Variants in RASSF8 observed in about 807,000 individuals in gnomAD.
RASSF8 encodes the protein ras association domain-containing protein 8.
RASSF8 carries 22 observed loss-of-function variants against 48.5 expected under a neutral mutation model. The ratio of observed to expected loss-of-function variants is 0.45; its 90% CI spans 0.32 to 0.65. RASSF8 has a LOEUF of 0.65. Ranked by LOEUF, RASSF8 falls within the 30% of genes least tolerant of loss-of-function variation. The pLI is 0.03. For missense variants in RASSF8, 418 were observed against 489.2 expected (o/e 0.85, Z 1.37); for synonymous variants, 127 against 171.5 (o/e 0.74, Z 2.03).
At chr12:26,044,934 A>G (rs78245687) in intron 2 of RASSF8, among the ~76,000 whole-genome samples, 5,634 of 152,250 alleles carry the variant, frequency 0.037, 129 homozygotes, top group East Asian at 0.061. Context: ...TATTTGTTTT[A>G]TTACAGTGAA....
chr12:25,962,323 C>G (rs572821120), intron 1 of RASSF8, among the ~76,000 whole-genome samples: 18 of 152,152 alleles, frequency 1.2e-4, no homozygotes, highest in Non-Finnish European at 2.4e-4. Context: ...GCTCAAATGT[C>G]CTTTCTCATA....
intron 1 of RASSF8, among the ~76,000 whole-genome samples, chr12:25,993,933 T>C (rs926578923): frequency 2.6e-5 from 4 of 152,194 alleles, no homozygotes; most frequent in African/African-American, 9.7e-5. Flanking sequence ...TAAAAAATAA[T>C]CAGGAAGCCA....
At chr12:26,009,704 G>T (rs1428459814) in intron 2 of RASSF8, among the ~76,000 whole-genome samples, 1 of 152,208 alleles carries the variant, frequency 6.6e-6, no homozygotes, top group African/African-American at 2.4e-5. Context: ...GGAAGAGAGT[G>T]AAGAAAGTAG....
intron 2 of RASSF8, among the ~76,000 whole-genome samples, chr12:26,014,237 T>G (rs540979786): frequency 3.3e-5 from 5 of 152,216 alleles, no homozygotes; most frequent in Non-Finnish European, 7.3e-5. Flanking sequence ...ATGTATGTGT[T>G]TCCTATGCCC....
At chr12:25,976,733 G>A (rs148881132) in intron 1 of RASSF8, among the ~76,000 whole-genome samples, 116 of 152,184 alleles carry the variant, frequency 7.6e-4, no homozygotes, top group African/African-American at 2.6e-3. Flanking sequence ...TTTGCTGGGC[G>A]TTTTGTCCAG....
chr12:26,017,972 C>A (rs1293579429), intron 2 of RASSF8, among the ~76,000 whole-genome samples: 2 of 152,268 alleles, frequency 1.3e-5, no homozygotes, highest in Non-Finnish European at 1.5e-5. Flanking sequence ...CTTTCCCTTT[C>A]CCATTGGCTA....
At chr12:26,078,700 T>G (rs1944091387) in intron 5 of RASSF8, among the ~76,000 whole-genome samples, 1 of 152,216 alleles carries the variant, frequency 6.6e-6, no homozygotes, top group Non-Finnish European at 1.5e-5. Context: ...ACAAACTTGG[T>G]TTAGTCTATT....
downstream of RASSF8, among the ~76,000 whole-genome samples, chr12:26,075,335 GAAT>G (rs1415976036): frequency 6.6e-6 from 1 of 152,170 alleles, no homozygotes; most frequent in East Asian, 1.9e-4. Context: ...CAAGGAAAAA[GAAT>G]AAAAACATGG....
intron 2 of RASSF8, among the ~76,000 whole-genome samples, chr12:26,035,480 T>TATATA (rs1943122304): frequency 8.5e-6 from 1 of 117,042 alleles, no homozygotes; most frequent in Non-Finnish European, 1.9e-5. Context: ...ATTATATAAT[T>TATATA]ATATAATTAT....
At chr12:26,007,885 T>C (rs765750123) in intron 2 of RASSF8, among the ~76,000 whole-genome samples, 3 of 152,236 alleles carry the variant, frequency 2.0e-5, no homozygotes, top group Admixed American at 2.0e-4. Context: ...TCTGTGTAAG[T>C]AGAAAAATTA....
chr12:26,017,044 T>C lies in RASSF8; in HGVS notation c.-109+21914T>C, dbSNP rs142736351. 7.0e-4 allele frequency among the ~76,000 whole-genome samples: 106 copies of C among 152,320 alleles called. 1 individual carries two copies. The highest frequency in any genetic ancestry group is 3.4e-3 in the Middle Eastern group (1 of 294). On this transcript the variant is annotated intron_variant, in intron 2 of 5. Coordinates refer to ENST00000689635, the MANE Select transcript of RASSF8 (RefSeq NM_001394098.1). Reference sequence around the variant, plus strand: ...TTTCCTATGTGTGAATAATATTAAATGAGGAAACATTCTTACTTGGTTTTC... The same window carrying C: ...TTTCCTATGTGTGAATAATATTAAACGAGGAAACATTCTTACTTGGTTTTC...
chr12:26,001,199 A>AG (rs1942249823), intron 2 of RASSF8, among the ~76,000 whole-genome samples: 1 of 136,948 alleles, frequency 7.3e-6, no homozygotes, highest in Non-Finnish European at 1.6e-5. Flanking sequence ...CTAATTTTTA[A>AG]TTTTTTTTTT....
chr12:25,987,004 C>G (rs1320046999), intron 1 of RASSF8, among the ~76,000 whole-genome samples: 2 of 151,910 alleles, frequency 1.3e-5, no homozygotes, highest in Non-Finnish European at 2.9e-5. Context: ...GGCGCAATCT[C>G]AGCTCACCGC....
At chr12:26,020,466 GATTGTAAATATAAAATAA>G (rs1406831855) in intron 2 of RASSF8, 8 of 152,208 alleles carry the variant, frequency 5.3e-5, no homozygotes, top group African/African-American at 1.9e-4. Context: ...TGTAAAAATA[GATTGTAAATATAAAATAA>G]ACCAACCATA....
rs1047544356 is a variant in RASSF8 at position 26,055,179 on chromosome 12, C to G, written c.-108-57C>G. 1.9e-5 allele frequency: 12 copies of G among 623,186 alleles called. No individual in the cohort carries two copies. Among genetic ancestry groups the G allele is most frequent in the Admixed American group, 1.9e-4 (7 of 37,230 alleles). 38.6% of individuals were successfully genotyped at this position (623,186 alleles called of 1,614,324 possible). A position where few individuals can be genotyped will look rare whatever the true frequency, so the allele number is the denominator to read the frequency against. On this transcript the variant is annotated intron_variant, in intron 2 of 5. Coordinates refer to ENST00000689635, the MANE Select transcript of RASSF8 (RefSeq NM_001394098.1). ...ATTTGTTTTGTGTAATACTTACATACTTACTAGAAGAAATGTTGATTCATT... is the reference window on the plus strand; with the variant it reads ...ATTTGTTTTGTGTAATACTTACATAGTTACTAGAAGAAATGTTGATTCATT...
intron 1 of RASSF8, among the ~76,000 whole-genome samples, chr12:25,991,700 A>G (rs988727597): frequency 6.6e-5 from 10 of 152,320 alleles, no homozygotes; most frequent in African/African-American, 2.4e-4. Flanking sequence ...ATATCAGGAC[A>G]AGTGATCAGA....
intron 2 of RASSF8, among the ~76,000 whole-genome samples, chr12:26,042,267 C>T (rs915763095): frequency 1.3e-5 from 2 of 152,166 alleles, no homozygotes; most frequent in Non-Finnish European, 2.9e-5. Flanking sequence ...TAATGTTAAT[C>T]ACAGCCTATT....
Position 25,980,486 on chromosome 12 carries a change from C to T in RASSF8, c.-202-14551C>T, listed in dbSNP as rs146498808. Among the ~76,000 whole-genome samples, 448 of 152,332 alleles carry T rather than the reference C, an allele frequency of 2.9e-3. 3 individuals are homozygous for T. Among genetic ancestry groups the T allele is most frequent in the African/African-American group, 0.01 (433 of 41,570 alleles). ...AACACTGGAATTCCAGAGACTGCGT[C>T]TTCCAAACAGGGTTTGATTTTTTTC... On this transcript the variant is annotated intron_variant, in intron 1 of 5. Transcript: ENST00000689635.
Position 25,965,363 on chromosome 12 carries a change from CT to C in RASSF8, c.-203+6235del, listed in dbSNP as rs11420016. 5.0e-3 allele frequency among the ~76,000 whole-genome samples: 586 copies of C among 116,870 alleles called. 1 individual carries two copies. The highest frequency in any genetic ancestry group is 0.013 in the African/African-American group (403 of 31,064). 76.7% of individuals were successfully genotyped at this position (116,870 alleles called of 152,430 possible). A position where few individuals can be genotyped will look rare whatever the true frequency, so the allele number is the denominator to read the frequency against. On this transcript the variant is annotated intron_variant, in intron 1 of 5. Transcript: ENST00000689635. ...ATTCCCACATCACTTTCCCAAATTT[CT>C]TTTTTTTTTTTTTTTTTTTGAGACA...
Sources: gnomAD v4.1 joint callset for allele counts (sites outside exome capture counted in the v4.1 genomes callset) on GRCh38, gnomAD v4.1.1 for gene constraint, MANE v1.5 for transcripts, NCBI Gene and HGNC (gene_info 2026-07-23, HGNC 2026-07-21) for gene names.